HNF1B: variants seen among roughly 807,000 people sequenced by gnomAD.
HNF1B encodes HNF1 homeobox B.
In HNF1B, 8 loss-of-function variants were observed where a neutral mutation model predicts 61.7. The observed-to-expected ratio is 0.13, with a 90% CI of 0.08 to 0.23. The LOEUF (loss-of-function observed/expected upper bound fraction) is 0.23, where lower values mean the gene tolerates loss of function less well. HNF1B is among the 10% of genes least tolerant of loss of function. HNF1B has a pLI of 1.00. For missense variants in HNF1B, 562 were observed against 714.5 expected (o/e 0.79, Z 2.43); for synonymous variants, 314 against 287.7 (o/e 1.09, Z -0.93).
At chr17:37,688,378 CA>C in intron 8 of HNF1B, among the ~76,000 whole-genome samples, 1 of 105,276 alleles carries the variant, frequency 9.5e-6, no homozygotes, top group East Asian at 2.5e-4. Context: ...AAGATCCCCC[CA>C]AACACACACA....
Position 37,744,912 on chromosome 17 carries a change from G to GT in HNF1B, c.-29_-28insA. ...TCCAAGGACGGAAAAAGAAGGGGGT[G>GT]AGGGGGTGGGTGGGTGCGAGAGAGG... On this transcript the variant is annotated 5_prime_UTR_variant, in exon 1 of 9. Coordinates refer to ENST00000617811, the MANE Select transcript of HNF1B (RefSeq NM_000458.4). 1 of 1,378,846 alleles carries GT rather than the reference G, an allele frequency of 7.3e-7. No individual in the cohort carries two copies. Among genetic ancestry groups the GT allele is most frequent in the Non-Finnish European group, 1.0e-6 (1 of 970,464 alleles). 85.4% of individuals were successfully genotyped at this position (1,378,846 alleles called of 1,614,324 possible). A position where few individuals can be genotyped will look rare whatever the true frequency, so the allele number is the denominator to read the frequency against.
intron 4 of HNF1B, among the ~76,000 whole-genome samples, chr17:37,717,105 T>A (rs1183858401): frequency 3.3e-5 from 5 of 152,072 alleles, no homozygotes; most frequent in Non-Finnish European, 4.4e-5. Context: ...ATGAGGAAAG[T>A]GGGGATTCCT....
chr17:37,700,691 A>G (rs2032535867), intron 7 of HNF1B, among the ~76,000 whole-genome samples: 1 of 152,066 alleles, frequency 6.6e-6, no homozygotes, highest in Non-Finnish European at 1.5e-5. Context: ...TGGAATGGGA[A>G]ATTGGCGGTG....
Position 37,739,531 on chromosome 17 carries a change from G to A in HNF1B, c.453C>T (p.Ser151=). The A allele has an allele frequency of 6.2e-7, 1 of 1,614,136 alleles. No homozygotes were observed. The highest frequency in any genetic ancestry group is 1.3e-5 in the African/African-American group (1 of 75,024). ...DVTGLNQSHL[S]QHLNKGTPMK... ...TAGGGGTGCCCTTGTTGAGATGCTG[G>A]GAGAGGTGCGACTGGTTCAGGCCGG... Residue 151 remains serine, a synonymous_variant, in exon 2 of 9, where the codon TCC becomes TCT. Transcript: ENST00000617811.
intron 4 of HNF1B, among the ~76,000 whole-genome samples, chr17:37,723,616 G>A (rs1283578675): frequency 6.6e-6 from 1 of 152,172 alleles, no homozygotes; most frequent in Non-Finnish European, 1.5e-5. Flanking sequence ...CCAATGTGCT[G>A]CAACAAGCCA....
rs1349630356 is a variant in HNF1B at position 37,700,969 on chromosome 17, G to T, written c.1534+14C>A. 2 of 1,552,630 alleles carry T rather than the reference G, an allele frequency of 1.3e-6. No individual in the cohort carries two copies. ...TCCTGAGTGCTCCCTCCCTCCACAT[G>T]CCCGTGTCCTTACTGTGTGAGTTCT... On this transcript the variant is annotated intron_variant, in intron 7 of 8. Transcript: ENST00000617811.
At chr17:37,730,266 C>T (rs2033643382) in intron 4 of HNF1B, 1 of 152,758 alleles carries the variant, frequency 6.5e-6, no homozygotes, top group African/African-American at 2.4e-5. Flanking sequence ...AGCCATGTGC[C>T]ATTTGCCACA....
At position 37,700,849 on chromosome 17, in the gene HNF1B, T is replaced by G. The variant is rs981753049; in HGVS notation, c.1534+134A>C. On this transcript the variant is annotated intron_variant, in intron 7 of 8. Transcript: ENST00000617811. Reference sequence around the variant, plus strand: ...CAAGAGTTATGCTTGAGAAATTGTCTTAGTCGGTTGATCATAGGCAGGGAA... The same window carrying G: ...CAAGAGTTATGCTTGAGAAATTGTCGTAGTCGGTTGATCATAGGCAGGGAA... The G allele has an allele frequency of 8.9e-6, 7 of 789,640 alleles. No homozygotes were observed. The African/African-American group carries it at 1.2e-4, about 13-fold the overall frequency. 48.9% of individuals were successfully genotyped at this position (789,640 alleles called of 1,614,324 possible).
At chr17:37,712,253 C>T (rs1252519677) in intron 4 of HNF1B, among the ~76,000 whole-genome samples, 5 of 152,032 alleles carry the variant, frequency 3.3e-5, no homozygotes, top group African/African-American at 7.3e-5. Context: ...AGTGGGATGG[C>T]GCTGGCATTG....
intron 4 of HNF1B, among the ~76,000 whole-genome samples, chr17:37,726,160 TTC>T (rs138092812): frequency 6.1e-4 from 63 of 102,518 alleles, no homozygotes; most frequent in East Asian, 6.2e-4. Context: ...GTGTGTGTCT[TTC>T]TCTCTCTCTC....
Position 37,731,666 on chromosome 17 carries a change from C to T in HNF1B, c.974G>A (p.Ser325Asn), listed in dbSNP as rs794727624. The T allele has an allele frequency of 1.2e-6, 2 of 1,614,026 alleles. No individual in the cohort carries two copies. The highest frequency in any genetic ancestry group is 2.7e-5 in the African/African-American group (2 of 74,928). Residue 325 changes from serine to asparagine, a missense_variant, in exon 4 of 9, where the codon AGC becomes AAC. Ser to Asn is a conservative substitution (Grantham distance 46). Transcript: ENST00000617811. ...MDAYSSNQTH[S>N]LNPLLSHGSP... is the part of the protein sequence containing the mutation. ...GCCGTGGGAGAGCAGAGGGTTCAGGCTGTGAGTCTGGTTGGAGCTATAGGC... is the reference window on the plus strand; with the variant it reads ...GCCGTGGGAGAGCAGAGGGTTCAGGTTGTGAGTCTGGTTGGAGCTATAGGC...
chr17:37,741,664 T>A (rs1057041401), intron 1 of HNF1B, among the ~76,000 whole-genome samples: 16 of 152,298 alleles, frequency 1.1e-4, no homozygotes, highest in Non-Finnish European at 1.0e-4. Context: ...AGGGGAAAAA[T>A]TGCATTTTAA....
rs991638416 is a variant in HNF1B at position 37,693,098 on chromosome 17, G to A, written c.1654-5706C>T. Among the ~76,000 whole-genome samples, 5 of 151,118 alleles carry A rather than the reference G, an allele frequency of 3.3e-5. No homozygotes were observed. In the Admixed American group the frequency reaches 3.3e-4, roughly 10 times the overall value. Reference sequence around the variant, plus strand: ...CCAGTTACTTGGGAGGCTGAGGCGGGAGAATTGCTTGTACCCAGTAGGCGG... The same window carrying A: ...CCAGTTACTTGGGAGGCTGAGGCGGAAGAATTGCTTGTACCCAGTAGGCGG... On this transcript the variant is annotated intron_variant, in intron 8 of 8. Coordinates refer to ENST00000617811, the MANE Select transcript of HNF1B (RefSeq NM_000458.4).
intron 4 of HNF1B, chr17:37,720,576 T>A (rs2033279095): frequency 6.4e-6 from 1 of 156,726 alleles, no homozygotes; most frequent in Non-Finnish European, 1.4e-5. Context: ...TCAGTTTAAT[T>A]CTTAAACTGA....
intron 4 of HNF1B, among the ~76,000 whole-genome samples, chr17:37,716,328 G>C (rs1317504566): frequency 6.6e-6 from 1 of 151,962 alleles, no homozygotes; most frequent in East Asian, 2.0e-4. Context: ...CTCCTGAGTA[G>C]CTGGAACTAC....
intron 8 of HNF1B, among the ~76,000 whole-genome samples, chr17:37,697,060 G>A (rs1365480328): frequency 6.6e-6 from 1 of 152,204 alleles, no homozygotes; most frequent in Non-Finnish European, 1.5e-5. Flanking sequence ...GGTAGTGGAA[G>A]GCAAGTATGT....
At chr17:37,720,551 A>G (rs940278488) in intron 4 of HNF1B, among the ~76,000 whole-genome samples, 1 of 152,046 alleles carries the variant, frequency 6.6e-6, no homozygotes, top group Non-Finnish European at 1.5e-5. Context: ...ATATAAAACA[A>G]AACTAATCCT....
At chr17:37,710,358 C>T (rs772426078) in intron 5 of HNF1B, 145 bp downstream of exon 5, 76 of 1,067,768 alleles carry the variant, frequency 7.1e-5, no homozygotes, top group Non-Finnish European at 1.0e-4. Flanking sequence ...CCAGCACTAC[C>T]TCTCCTTTCC....
rs373632561 is a variant in HNF1B at position 37,689,911 on chromosome 17, G to A, written c.1654-2519C>T. Among the ~76,000 whole-genome samples the A allele has an allele frequency of 1.3e-3, 203 of 152,128 alleles. 3 individuals are homozygous for A. In the South Asian group the frequency reaches 0.039, roughly 29 times the overall value. On this transcript the variant is annotated intron_variant, in intron 8 of 8. Transcript: ENST00000617811. ...GTACTTGGCACTTTTTTAGACACTG[G>A]AGATGCAGCTGTAAACAACACCCTG...
Sources: allele counts gnomAD v4.1 joint callset (sites outside exome capture counted in the v4.1 genomes callset), GRCh38; gene constraint gnomAD v4.1.1; transcripts MANE v1.5; gene names NCBI Gene and HGNC (gene_info 2026-07-23, HGNC 2026-07-21).